Variants in CNTN2 observed in about 807,000 individuals in gnomAD.
CNTN2 encodes the protein contactin 2, also known as contactin-2.
CNTN2 carries 53 observed loss-of-function variants against 117.5 expected under a neutral mutation model. The ratio of observed to expected loss-of-function variants is 0.45; its 90% CI spans 0.36 to 0.57. The LOEUF (loss-of-function observed/expected upper bound fraction) is 0.57, where lower values mean the gene tolerates loss of function less well. Ranked by LOEUF, CNTN2 falls within the 20% of genes least tolerant of loss-of-function variation. The probability of loss-of-function intolerance (pLI) is 0.00; values close to 1 mark genes in which losing one functional copy is unlikely to be tolerated. For synonymous variants in CNTN2, 530 were observed against 561.7 expected (o/e 0.94, Z 0.80); for missense variants, 1,106 against 1,404.3 (o/e 0.79, Z 3.39).
At position 205,061,532 on chromosome 1, in the gene CNTN2, C is replaced by CATGAA. The variant is rs1273064166; in HGVS notation, c.973+116_973+117insAATGA. 2 of 1,262,194 alleles carry CATGAA rather than the reference C, an allele frequency of 1.6e-6. No homozygotes were observed. Among genetic ancestry groups the CATGAA allele is most frequent in the African/African-American group, 3.0e-5 (2 of 66,990 alleles). 78.2% of individuals were successfully genotyped at this position (1,262,194 alleles called of 1,614,324 possible). On this transcript the variant is annotated intron_variant, in intron 8 of 22. Transcript: ENST00000331830. The surrounding 1 kb of genome is among the most constrained non-coding windows in gnomAD (Gnocchi z 4.8). ...AGGGAGGAGACTGGGAGGCCCCCTG[C>CATGAA]ATGAGCCTGCTTGCCCTAGGACTGC... is the stretch of plus-strand genomic sequence containing the variant.
At position 205,065,980 on chromosome 1, in the gene CNTN2, G is replaced by T. The variant is rs1279606619; in HGVS notation, c.1816+71G>T. Reference sequence around the variant, plus strand: ...CCAGCTGGGCTGTTCTGACCTGCTCGCCTCATCTCCCCTCCCTTCCCTCAA... The same window carrying T: ...CCAGCTGGGCTGTTCTGACCTGCTCTCCTCATCTCCCCTCCCTTCCCTCAA... On this transcript the variant is annotated intron_variant, in intron 14 of 22. Coordinates refer to ENST00000331830, the MANE Select transcript of CNTN2 (RefSeq NM_005076.5). This position sits in a 1 kb window ranked among gnomAD's most constrained non-coding sequence, Gnocchi z 4.1. 5 of 1,514,710 alleles carry T rather than the reference G, an allele frequency of 3.3e-6. No homozygotes were observed. The highest frequency in any genetic ancestry group is 4.4e-6 in the Non-Finnish European group (5 of 1,128,160). 93.8% of individuals were successfully genotyped at this position (1,514,710 alleles called of 1,614,324 possible).
At chr1:205,043,733 G>A (rs1001246979) in intron 1 of CNTN2, among the ~76,000 whole-genome samples, 1 of 152,174 alleles carries the variant, frequency 6.6e-6, no homozygotes, top group Non-Finnish European at 1.5e-5. Flanking sequence ...TCCTGGGCCG[G>A]CCCTGGGCAC....
Position 205,057,921 on chromosome 1 carries a change from C to G in CNTN2, c.71C>G (p.Ala24Gly). 1 of 1,613,414 alleles carries G rather than the reference C, an allele frequency of 6.2e-7. No homozygotes were observed. Reference sequence around the variant, plus strand: ...CATCTGGTGGTGTCATCACCTGCAGCTTGGAGTTCAGCCCTGGGATCCCAA... The same window carrying G: ...CATCTGGTGGTGTCATCACCTGCAGGTTGGAGTTCAGCCCTGGGATCCCAA... ...VAAVALVSSS[A>G]WSSALGSQTT... Residue 24 changes from alanine to glycine, a missense_variant and splice_region_variant, in exon 3 of 23, where the codon GCT (alanine) becomes GGT (glycine). Ala to Gly is a moderately conservative substitution (Grantham distance 60). Transcript: ENST00000331830.
In CNTN2 at chr1:205,059,539, C is replaced by T; in HGVS notation, c.698-44C>T. 1 of 1,573,186 alleles carries T rather than the reference C, an allele frequency of 6.4e-7. No individual in the cohort carries two copies. The highest frequency in any genetic ancestry group is 8.7e-7 in the Non-Finnish European group (1 of 1,142,962). On this transcript the variant is annotated intron_variant, in intron 6 of 22. Coordinates refer to ENST00000331830, the MANE Select transcript of CNTN2 (RefSeq NM_005076.5). This position sits in a 1 kb window ranked among gnomAD's most constrained non-coding sequence, Gnocchi z 5.6. Reference sequence around the variant, plus strand: ...AGATCCCATGCACGGGAGCACCTGACCTGGAGTCATCTGCATCTGATTTGT... The same window carrying T: ...AGATCCCATGCACGGGAGCACCTGATCTGGAGTCATCTGCATCTGATTTGT...
intron 2 of CNTN2, among the ~76,000 whole-genome samples, chr1:205,055,290 A>G (rs2096459254): frequency 6.6e-6 from 1 of 152,216 alleles, no homozygotes; most frequent in Non-Finnish European, 1.5e-5. Flanking sequence ...CTGGGATTAC[A>G]GGCAGAGAGT....
intron 2 of CNTN2, among the ~76,000 whole-genome samples, chr1:205,056,405 T>C (rs1281498833): frequency 6.6e-6 from 1 of 152,204 alleles, no homozygotes; most frequent in African/African-American, 2.4e-5. Context: ...CCTCCGCCTC[T>C]GAGGCCTGGG....
In CNTN2 at chr1:205,073,643, G is replaced by C. The variant is rs373723897; in HGVS notation, c.3014-13G>C. 1.2e-6 allele frequency: 2 copies of C among 1,611,978 alleles called. No homozygotes were observed. On this transcript the variant is annotated splice_polypyrimidine_tract_variant and intron_variant, in intron 22 of 22. Coordinates refer to ENST00000331830, the MANE Select transcript of CNTN2 (RefSeq NM_005076.5). The surrounding 1 kb of genome is among the most constrained non-coding windows in gnomAD (Gnocchi z 6.3). ...GTCCCAGGCCCAGCTGACTCAGCTT[G>C]TGCTGGTTTCAGGCACAAGCATGAT...
In CNTN2 at chr1:205,075,477, G is replaced by A. The variant is rs886611160; in HGVS notation, c.*1712G>A. On this transcript the variant is annotated 3_prime_UTR_variant, in exon 23 of 23. Transcript: ENST00000331830. ...CAGGTGGCCCTTCACAGGGGGCAGCGGGACAGGCATCTTGAAGGGCATATG... is the reference window on the plus strand; with the variant it reads ...CAGGTGGCCCTTCACAGGGGGCAGCAGGACAGGCATCTTGAAGGGCATATG... The A allele has an allele frequency of 2.6e-5, 4 of 152,664 alleles. No homozygotes were observed. The highest frequency in any genetic ancestry group is 4.4e-5 in the Non-Finnish European group (3 of 68,082). 9.5% of individuals were successfully genotyped at this position (152,664 alleles called of 1,614,324 possible).
rs916758253 is a variant in CNTN2 at position 205,072,120 on chromosome 1, G to A, written c.2718G>A (p.Thr906=). ...CTGCCAGCCCTTCTGCCAACGCCAC[G>A]ACCATGAAGCCCCGTGAGTCTGTCT... The part of the protein sequence containing the change: ...TGPASPSANA[T]TMKPPPRRPP... Residue 906 remains threonine, a synonymous_variant, in exon 20 of 23, where the codon ACG becomes ACA. Coordinates refer to ENST00000331830, the MANE Select transcript of CNTN2 (RefSeq NM_005076.5). 5.0e-6 allele frequency: 8 copies of A among 1,610,818 alleles called. No individual in the cohort carries two copies. Among genetic ancestry groups the A allele is most frequent in the Admixed American group, 3.4e-5 (2 of 59,370 alleles).
chr1:205,062,433 T>G lies in CNTN2; in HGVS notation c.1111-7T>G. 6.2e-7 allele frequency: 1 copy of G among 1,610,948 alleles called. No homozygotes were observed. ...GATCCCCCTGGGCTCTGGGCTCTTC[T>G]GCACAGAACCGGGTGGAGGTGTTGG... On this transcript the variant is annotated splice_polypyrimidine_tract_variant and splice_region_variant and intron_variant, in intron 9 of 22. Transcript: ENST00000331830.
At chr1:205,069,770 G>T (rs1654488509) in intron 17 of CNTN2, 57 bp from the exon 18 acceptor site, 5 of 1,565,294 alleles carry the variant, frequency 3.2e-6, no homozygotes, top group Non-Finnish European at 4.4e-6. Context: ...TGGGGCCAGG[G>T]AACGGGCAGG....
intron 15 of CNTN2, 29 bp from the exon 16 acceptor site, chr1:205,067,072 T>C: frequency 6.3e-7 from 1 of 1,582,642 alleles, no homozygotes; most frequent in Admixed American, 1.8e-5. Context: ...AAGCGAATGC[T>C]GGAATATGGA....
intron 21 of CNTN2, 93 bp from the exon 22 acceptor site, chr1:205,072,975 C>G: frequency 1.4e-6 from 2 of 1,389,878 alleles, no homozygotes; most frequent in South Asian, 2.7e-5. Context: ...GAGCCCAGAA[C>G]CATCGGGTCT....
chr1:205,077,586 A>T lies in CNTN2; in HGVS notation c.*3821A>T, dbSNP rs1654923310. The T allele has an allele frequency of 6.6e-6, 1 of 152,310 alleles. No individual in the cohort carries two copies. The highest frequency in any genetic ancestry group is 1.5e-5 in the Non-Finnish European group (1 of 68,078). The allele number at this position is 152,310 out of a possible 1,614,324, so 9.4% of individuals were successfully genotyped here. ...TTTCTGTGTGCCCCCAAAAAGCTCC[A>T]TGGAAACAGGCACCTGGTAGCTGCG... On this transcript the variant is annotated 3_prime_UTR_variant, in exon 23 of 23. Transcript: ENST00000331830.
chr1:205,048,910 C>CGTGTGTGTGTGT lies in CNTN2; in HGVS notation c.-86-4151_-86-4140dup, dbSNP rs4017875. ...GCTCCAGCCTTTAGCCCAGACTCTG[C>CGTGTGTGTGTGT]GTGTGTGTGTGTGTGTGTGTGTGTG... On this transcript the variant is annotated intron_variant, in intron 1 of 22. Transcript: ENST00000331830. The surrounding 1 kb of genome is among the most constrained non-coding windows in gnomAD (Gnocchi z 4.1). 2.4e-4 allele frequency among the ~76,000 whole-genome samples: 31 copies of CGTGTGTGTGTGT among 127,880 alleles called. No homozygotes were observed. The highest frequency in any genetic ancestry group is 7.4e-4 in the African/African-American group (25 of 33,746). 83.9% of individuals were successfully genotyped at this position (127,880 alleles called of 152,430 possible).
chr1:205,046,131 C>T (rs778505366), intron 1 of CNTN2, among the ~76,000 whole-genome samples: 5 of 152,142 alleles, frequency 3.3e-5, no homozygotes, highest in South Asian at 2.1e-4. Context: ...CGTATCCTGA[C>T]GGTAACCATC....
At chr1:205,050,753 G>A (rs1300568880) in intron 1 of CNTN2, among the ~76,000 whole-genome samples, 2 of 152,120 alleles carry the variant, frequency 1.3e-5, no homozygotes, top group African/African-American at 4.8e-5. Flanking sequence ...CGAGTAGCTG[G>A]GATTACAGGC....
chr1:205,065,012 C>T lies in CNTN2; in HGVS notation c.1520-75C>T, dbSNP rs1654201810. On this transcript the variant is annotated intron_variant, in intron 12 of 22. Coordinates refer to ENST00000331830, the MANE Select transcript of CNTN2 (RefSeq NM_005076.5). The surrounding 1 kb of genome is among the most constrained non-coding windows in gnomAD (Gnocchi z 4.1). The stretch of plus-strand genomic sequence containing the variant: ...TTTGCTGGGCCTTAGGACAGAGCCT[C>T]TCAGCCTGCCCTGCGGACCCGGCCT... The T allele has an allele frequency of 9.9e-6, 15 of 1,513,704 alleles. No homozygotes were observed. In the South Asian group the frequency reaches 1.8e-4, roughly 18 times the overall value. 93.8% of individuals were successfully genotyped at this position (1,513,704 alleles called of 1,614,324 possible). A position where few individuals can be genotyped will look rare whatever the true frequency, so the allele number is the denominator to read the frequency against.
intron 19 of CNTN2, 66 bp from the exon 20 acceptor site, chr1:205,071,881 G>C: frequency 6.9e-7 from 1 of 1,458,228 alleles, no homozygotes; most frequent in Non-Finnish European, 9.2e-7. Context: ...ACAGAATGTG[G>C]GGGCCGGGGC....
Sources: allele counts gnomAD v4.1 joint callset (sites outside exome capture counted in the v4.1 genomes callset), GRCh38; gene constraint gnomAD v4.1.1; non-coding constraint Gnocchi (gnomAD v3.1); transcripts MANE v1.5; gene names NCBI Gene and HGNC (gene_info 2026-07-23, HGNC 2026-07-21).